The following SEPTIN9 variants were observed in gnomAD, a reference collection of about 807,000 sequenced individuals.
SEPTIN9 encodes the protein septin 9.
In SEPTIN9, 13 loss-of-function variants were observed where a neutral mutation model predicts 56.6. The observed-to-expected ratio is 0.23, with a 90% CI of 0.15 to 0.37. The LOEUF is 0.37. Among genes scored for constraint, SEPTIN9 ranks in the 10% least tolerant of loss-of-function variants. SEPTIN9 has a pLI of 1.00. For synonymous variants in SEPTIN9, 332 were observed against 334.1 expected, an observed-to-expected ratio of 0.99 and a Z score of 0.07; for missense variants, 650 against 823.1, an observed-to-expected ratio of 0.79 and a Z score of 2.57.
chr17:77,463,017 T>C (rs776241014), intron 3 of SEPTIN9, among the ~76,000 whole-genome samples: 5 of 152,156 alleles, frequency 3.3e-5, no homozygotes, highest in Non-Finnish European at 5.9e-5. Flanking sequence ...CAACAAAAGA[T>C]GAGCTGAACA....
intron 3 of SEPTIN9, among the ~76,000 whole-genome samples, chr17:77,458,456 C>T (rs906966536): frequency 6.6e-6 from 1 of 152,166 alleles, no homozygotes; most frequent in African/African-American, 2.4e-5. Flanking sequence ...GAGCCCCACT[C>T]GAGGGTAGAG....
chr17:77,395,846 G>A (rs1401663314), intron 2 of SEPTIN9, among the ~76,000 whole-genome samples: 1 of 152,202 alleles, frequency 6.6e-6, no homozygotes, highest in Non-Finnish European at 1.5e-5. Context: ...TATGGGTTTA[G>A]AAAATCTGCG....
chr17:77,442,475 G>A (rs2037581686), intron 3 of SEPTIN9, among the ~76,000 whole-genome samples: 1 of 141,844 alleles, frequency 7.1e-6, no homozygotes, highest in African/African-American at 2.6e-5. Flanking sequence ...GGGATTACAG[G>A]CATGAGCCAC....
chr17:77,295,794 C>A (rs1232665212), intron 1 of SEPTIN9, among the ~76,000 whole-genome samples: 1 of 152,060 alleles, frequency 6.6e-6, no homozygotes, highest in Non-Finnish European at 1.5e-5. Context: ...CACCGCCCCC[C>A]ACCCCACGGA....
chr17:77,453,671 C>T lies in SEPTIN9; in HGVS notation c.722-28473C>T, dbSNP rs2038071164. Among the ~76,000 whole-genome samples the T allele has an allele frequency of 6.6e-6, 1 of 152,018 alleles. No homozygotes were observed. The highest frequency in any genetic ancestry group is 6.5e-5 in the Admixed American group (1 of 15,268). ...TCCTCCGAACACTGGGTCCACTGTG[C>T]TCCACAAGGACTTTCACCCCGGAAG... On this transcript the variant is annotated intron_variant, in intron 3 of 11. Coordinates refer to ENST00000427177, the MANE Select transcript of SEPTIN9 (RefSeq NM_001113491.2). This position sits in a 1 kb window ranked among gnomAD's most constrained non-coding sequence, Gnocchi z 4.4.
At chr17:77,382,644 T>TAGCAGCG (rs1332481137) in intron 2 of SEPTIN9, among the ~76,000 whole-genome samples, 4 of 152,224 alleles carry the variant, frequency 2.6e-5, no homozygotes, top group African/African-American at 9.6e-5. Context: ...TGCAGGTTTG[T>TAGCAGCG]AGCAGCGAGC....
At chr17:77,479,571 T>C (rs1244306700) in intron 3 of SEPTIN9, among the ~76,000 whole-genome samples, 2 of 152,240 alleles carry the variant, frequency 1.3e-5, no homozygotes, top group East Asian at 1.9e-4. Context: ...GTTGTATTAT[T>C]ATTTCTCAAG....
In SEPTIN9 at chr17:77,310,676, G is replaced by C. The variant is rs1449668957; in HGVS notation, c.76+3479G>C. Reference sequence around the variant, plus strand: ...GCCCTCCCGAGTGGCCTTCTGGTAGGCTCTCCCATGTTCGCTCATTTTCTG... The same window carrying C: ...GCCCTCCCGAGTGGCCTTCTGGTAGCCTCTCCCATGTTCGCTCATTTTCTG... On this transcript the variant is annotated intron_variant, in intron 2 of 11. Coordinates refer to ENST00000427177, the MANE Select transcript of SEPTIN9 (RefSeq NM_001113491.2). The surrounding 1 kb of genome is among the most constrained non-coding windows in gnomAD (Gnocchi z 4.7). 6.6e-6 allele frequency among the ~76,000 whole-genome samples: 1 copy of C among 152,140 alleles called. No individual in the cohort carries two copies. The highest frequency in any genetic ancestry group is 6.5e-5 in the Admixed American group (1 of 15,278).
At chr17:77,352,067 C>G (rs950295611) in intron 2 of SEPTIN9, among the ~76,000 whole-genome samples, 1 of 152,194 alleles carries the variant, frequency 6.6e-6, no homozygotes, top group African/African-American at 2.4e-5. Flanking sequence ...TGTCCTGCGG[C>G]TGTCATAACA....
At chr17:77,470,964 G>A (rs1361958876) in intron 3 of SEPTIN9, 1 of 152,282 alleles carries the variant, frequency 6.6e-6, no homozygotes, top group East Asian at 1.9e-4. Context: ...GGGTTCCCAA[G>A]GCGATGGCAC....
At chr17:77,288,394 G>A (rs527495091) in intron 1 of SEPTIN9, among the ~76,000 whole-genome samples, 5 of 152,366 alleles carry the variant, frequency 3.3e-5, no homozygotes, top group South Asian at 2.1e-4. Flanking sequence ...CAGGCGAGGC[G>A]TGTTGGGGCA....
chr17:77,454,534 C>T (rs1458506108), intron 3 of SEPTIN9: 1 of 229,616 alleles, frequency 4.4e-6, no homozygotes. Flanking sequence ...TCGCCCCCAC[C>T]CAGGAAGCAG....
intron 2 of SEPTIN9, chr17:77,376,394 G>A (rs1337748600): frequency 1.0e-6 from 1 of 985,636 alleles, no homozygotes; most frequent in Non-Finnish European, 1.2e-6. Flanking sequence ...CTTGGTTCCT[G>A]CAAGGTAGGC....
rs562984758 is a variant in SEPTIN9, at chr17:77,378,092, C to T, written c.77-23967C>T. On this transcript the variant is annotated intron_variant, in intron 2 of 11. Transcript: ENST00000427177. The stretch of plus-strand genomic sequence containing the variant: ...AGATGCACTGTGATCAGCCTTGCAG[C>T]GGGGCTGTGGGTTCTCTGGGCTGGA... Among the ~76,000 whole-genome samples, 11 of 152,208 alleles carry T rather than the reference C, an allele frequency of 7.2e-5. No homozygotes were observed. The South Asian group carries it at 1.2e-3, about 17-fold the overall frequency.
chr17:77,298,306 A>C (rs761059503), intron 1 of SEPTIN9, among the ~76,000 whole-genome samples: 1 of 152,248 alleles, frequency 6.6e-6, no homozygotes, highest in Admixed American at 6.5e-5. Context: ...ATCTCCCCTC[A>C]CTAAGTTCAT....
At chr17:77,490,525 T>G (rs1415857436) in intron 7 of SEPTIN9, among the ~76,000 whole-genome samples, 1 of 152,190 alleles carries the variant, frequency 6.6e-6, no homozygotes, top group Non-Finnish European at 1.5e-5. Flanking sequence ...CCGCCTGGCC[T>G]GTGCAGTGGT....
intron 3 of SEPTIN9, chr17:77,444,828 C>T (rs1331216794): frequency 7.6e-6 from 2 of 261,996 alleles, no homozygotes; most frequent in Non-Finnish European, 1.6e-5. Context: ...AGTAAGTGGG[C>T]GGTGGGAAGC....
At chr17:77,447,669 G>A (rs138751932) in intron 3 of SEPTIN9, among the ~76,000 whole-genome samples, 1,745 of 152,390 alleles carry the variant, frequency 0.011, 15 homozygotes, top group Middle Eastern at 0.02. Flanking sequence ...CTGTCGCCCA[G>A]GCTGGAGTGC....
intron 3 of SEPTIN9, among the ~76,000 whole-genome samples, chr17:77,463,803 A>G (rs890489053): frequency 5.9e-5 from 9 of 152,150 alleles, no homozygotes; most frequent in African/African-American, 1.7e-4. Flanking sequence ...AGATCGCGCC[A>G]TTGCATTCCA....
Sources: gnomAD v4.1 joint callset for allele counts (sites outside exome capture counted in the v4.1 genomes callset) on GRCh38, gnomAD v4.1.1 for gene constraint, Gnocchi (gnomAD v3.1) non-coding constraint, MANE v1.5 for transcripts, NCBI Gene and HGNC (gene_info 2026-07-23, HGNC 2026-07-21) for gene names.